The following MCM8 variants were observed in gnomAD, a reference collection of about 807,000 sequenced individuals.
MCM8 encodes the protein minichromosome maintenance 8 homologous recombination repair factor, also known as DNA helicase MCM8.
Under a neutral mutation model 98.9 loss-of-function variants are expected in MCM8, and 85 were observed. The ratio of observed to expected loss-of-function variants is 0.86; its 90% CI spans 0.72 to 1.03. The LOEUF (loss-of-function observed/expected upper bound fraction) is 1.03. Ranked by LOEUF, MCM8 falls within the 50% of genes least tolerant of loss-of-function variation. The probability of loss-of-function intolerance (pLI) is 0.00; values close to 1 mark genes in which losing one functional copy is unlikely to be tolerated. For synonymous variants in MCM8, 352 were observed against 338.6 expected (o/e 1.04, Z -0.44); for missense variants, 951 against 997.8 (o/e 0.95, Z 0.63).
chr20:5,992,426 G>A (rs2089871654), intron 17 of MCM8, among the ~76,000 whole-genome samples: 1 of 152,082 alleles, frequency 6.6e-6, no homozygotes, highest in Admixed American at 6.5e-5. Context: ...GGATTAAGTG[G>A]GATAGCCTAT....
At chr20:5,972,422 G>A (rs1416779124) in intron 11 of MCM8, among the ~76,000 whole-genome samples, 1 of 151,922 alleles carries the variant, frequency 6.6e-6, no homozygotes, top group Non-Finnish European at 1.5e-5. Context: ...TGCCCACGCT[G>A]GTCTGTAAGT....
chr20:5,994,535 T>C lies in MCM8; in HGVS notation c.*144T>C. On this transcript the variant is annotated 3_prime_UTR_variant, in exon 19 of 19. Transcript: ENST00000610722. ...CACACACACACACAGTCAAATACTG[T>C]TCTCTGAAAAATGATGTCCCAAAAG... The C allele has an allele frequency of 1.8e-6, 1 of 558,450 alleles. No homozygotes were observed. Among genetic ancestry groups the C allele is most frequent in the East Asian group, 2.9e-5 (1 of 34,072 alleles). The allele number at this position is 558,450 out of a possible 1,614,324, so 34.6% of individuals were successfully genotyped here.
intron 17 of MCM8, 122 bp downstream of exon 17, chr20:5,987,480 G>T (rs989607945): frequency 7.4e-6 from 5 of 672,810 alleles, no homozygotes; most frequent in Admixed American, 3.4e-5. Flanking sequence ...CTCCTAAACA[G>T]AGTACCGTTT....
Position 5,993,510 on chromosome 20 carries a change from C to CT in MCM8, c.2246dup (p.Gly750ArgfsTer5), listed in dbSNP as rs1568602931. 1 of 1,546,156 alleles carries CT rather than the reference C, an allele frequency of 6.5e-7. No homozygotes were observed. Among genetic ancestry groups the CT allele is most frequent in the Admixed American group, 1.8e-5 (1 of 54,668 alleles). ...TTTTCTTCCTTTCTTTTTAAGCATGCTAGGAACTTACTCTGATGAATTTGG... is the reference window on the plus strand; with the variant it reads ...TTTTCTTCCTTTCTTTTTAAGCATGCTTAGGAACTTACTCTGATGAATTTGG... On this transcript the variant is annotated frameshift_variant, in exon 18 of 19. Coordinates refer to ENST00000610722, the MANE Select transcript of MCM8 (RefSeq NM_032485.6). LOFTEE classifies it high-confidence loss of function.
intron 16 of MCM8, 99 bp downstream of exon 16, chr20:5,986,230 T>A: frequency 9.3e-7 from 1 of 1,080,704 alleles, no homozygotes; most frequent in Non-Finnish European, 1.4e-6. Context: ...GACTCCATTT[T>A]CCTTTCTATA....
At chr20:5,990,237 G>T (rs2089822412) in intron 17 of MCM8, among the ~76,000 whole-genome samples, 1 of 152,088 alleles carries the variant, frequency 6.6e-6, no homozygotes, top group East Asian at 1.9e-4. Flanking sequence ...ACCACGCCCA[G>T]CTAATTTTTT....
At chr20:5,954,574 A>T in intron 3 of MCM8, 34 bp from the exon 4 acceptor site, 1 of 1,250,576 alleles carries the variant, frequency 8.0e-7, no homozygotes, top group Non-Finnish European at 1.2e-6. Flanking sequence ...TACCTGTGTG[A>T]TTATTTGTGC....
At chr20:5,966,435 A>G (rs528762608) in intron 8 of MCM8, among the ~76,000 whole-genome samples, 5 of 152,086 alleles carry the variant, frequency 3.3e-5, no homozygotes, top group Admixed American at 6.6e-5. Flanking sequence ...TGATTTTTAT[A>G]TACATGCTTT....
chr20:5,972,679 C>A, intron 11 of MCM8: 1 of 1,092,842 alleles, frequency 9.2e-7, no homozygotes, highest in Non-Finnish European at 1.2e-6. Context: ...CTCAGCCTGC[C>A]GAGTAGCTGG....
At position 5,976,563 on chromosome 20, in the gene MCM8, G is replaced by A. The variant is rs558573876; in HGVS notation, c.1396-1313G>A. 3.9e-5 allele frequency among the ~76,000 whole-genome samples: 6 copies of A among 152,246 alleles called. No homozygotes were observed. The South Asian group carries it at 1.2e-3, about 32-fold the overall frequency. ...AAAAAATTAATTGGTTACAAATGCA[G>A]TTACAAAAAAATAAACAGTTCCAGG... On this transcript the variant is annotated intron_variant, in intron 12 of 18. Transcript: ENST00000610722.
rs774191145 is a variant in MCM8, at chr20:5,967,566, A to G, written c.1006A>G (p.Lys336Glu). ...GDTVTITGIV[K>E]VSNAEEGSRN... ...CACAGTGACTATTACTGGAATTGTC[A>G]AAGTCTCAAATGCGGAAGAAGGTAG... Residue 336 changes from lysine to glutamate, a missense_variant, in exon 9 of 19, where the codon AAA becomes GAA. Transcript: ENST00000610722. 6.2e-7 allele frequency: 1 copy of G among 1,612,576 alleles called. No individual in the cohort carries two copies. Among genetic ancestry groups the G allele is most frequent in the Admixed American group, 1.7e-5 (1 of 59,914 alleles).
intron 5 of MCM8, 81 bp from the exon 6 acceptor site, chr20:5,957,045 T>C (rs1012491279): frequency 8.6e-6 from 7 of 812,878 alleles, no homozygotes; most frequent in Admixed American, 2.9e-5. Flanking sequence ...CCATAAACTT[T>C]ATATTCTCTA....
intron 3 of MCM8, among the ~76,000 whole-genome samples, chr20:5,954,298 G>A (rs1233265177): frequency 6.6e-6 from 1 of 152,138 alleles, no homozygotes; most frequent in Admixed American, 6.5e-5. Context: ...ATAATTTTTA[G>A]TTTAAGCTTA....
chr20:5,984,641 C>A, intron 14 of MCM8, 140 bp from the exon 15 acceptor site: 1 of 634,734 alleles, frequency 1.6e-6, no homozygotes. Flanking sequence ...ATCCAAGAAG[C>A]TATTTGCTTA....
chr20:5,956,422 G>GTTTA (rs571806049), intron 5 of MCM8, among the ~76,000 whole-genome samples: 1 of 152,022 alleles, frequency 6.6e-6, no homozygotes, highest in African/African-American at 2.4e-5. Context: ...TTTGTTTGTT[G>GTTTA]TTTATTTATT....
rs1405098923 is a variant in MCM8, at chr20:5,997,777, T to C, written c.*3386T>C. ...CAACACCATGCCCAGCTAATTTTGA[T>C]TTTTAGTAGAGATGAGGTCTTCCTT... On this transcript the variant is annotated 3_prime_UTR_variant, in exon 19 of 19. Coordinates refer to ENST00000610722, the MANE Select transcript of MCM8 (RefSeq NM_032485.6). 6.6e-6 allele frequency: 1 copy of C among 152,246 alleles called. No homozygotes were observed. The highest frequency in any genetic ancestry group is 1.5e-5 in the Non-Finnish European group (1 of 68,094). 9.4% of individuals were successfully genotyped at this position (152,246 alleles called of 1,614,324 possible).
chr20:5,987,851 G>A (rs1185063025), intron 17 of MCM8, among the ~76,000 whole-genome samples: 2 of 152,018 alleles, frequency 1.3e-5, no homozygotes, highest in Non-Finnish European at 1.5e-5. Context: ...AATGAGTAAT[G>A]TTCTACGTAA....
At position 5,995,474 on chromosome 20, in the gene MCM8, C is replaced by G. The variant is rs986902208; in HGVS notation, c.*1083C>G. The stretch of plus-strand genomic sequence containing the variant: ...AAAGTGCTGCTGCCTCCCTGCCCCA[C>G]CTTTGCCACTTCTGCAGCAGGAATA... On this transcript the variant is annotated 3_prime_UTR_variant, in exon 19 of 19. Coordinates refer to ENST00000610722, the MANE Select transcript of MCM8 (RefSeq NM_032485.6). The G allele has an allele frequency of 1.2e-4, 18 of 152,220 alleles. No individual in the cohort carries two copies. The highest frequency in any genetic ancestry group is 4.3e-4 in the African/African-American group (18 of 41,450). 9.4% of individuals were successfully genotyped at this position (152,220 alleles called of 1,614,324 possible). A position where few individuals can be genotyped will look rare whatever the true frequency, so the allele number is the denominator to read the frequency against.
chr20:5,965,753 G>A (rs2089262261), intron 8 of MCM8, among the ~76,000 whole-genome samples: 1 of 151,996 alleles, frequency 6.6e-6, no homozygotes, highest in South Asian at 2.1e-4. Flanking sequence ...TTTTCCTAAG[G>A]TTTCTAAGTG....
Sources: allele counts gnomAD v4.1 joint callset (sites outside exome capture counted in the v4.1 genomes callset), GRCh38; gene constraint gnomAD v4.1.1; transcripts MANE v1.5; gene names NCBI Gene and HGNC (gene_info 2026-07-23, HGNC 2026-07-21).